The following BUB3 variants were observed in gnomAD, a reference collection of about 807,000 sequenced individuals.
BUB3 encodes mitotic checkpoint protein BUB3.
A neutral mutation model predicts 39.9 loss-of-function variants in BUB3; 22 were observed. The observed-to-expected ratio is 0.55, with a 90% confidence interval of 0.39 to 0.79. BUB3 has a LOEUF of 0.79. BUB3 is among the 30% of genes least tolerant of loss of function. The pLI is 0.00. For synonymous variants in BUB3, 168 were observed against 155.1 expected (o/e 1.08, Z -0.62); for missense variants, 303 against 415.4 (o/e 0.73, Z 2.35).
At position 123,160,584 on chromosome 10, in the gene BUB3, T is replaced by C. The variant is rs1355691896; in HGVS notation, c.576+19T>C. Reference sequence around the variant, plus strand: ...CAAGCAGGTATTGAACTATACCTCCTCTTCTTTCTGGAATTTGAAAATAAT... The same window carrying C: ...CAAGCAGGTATTGAACTATACCTCCCCTTCTTTCTGGAATTTGAAAATAAT... On this transcript the variant is annotated intron_variant, in intron 5 of 7. Coordinates refer to ENST00000368865, the MANE Select transcript of BUB3 (RefSeq NM_004725.4). 4.6e-6 allele frequency: 7 copies of C among 1,521,736 alleles called. No individual in the cohort carries two copies. The highest frequency in any genetic ancestry group is 6.2e-6 in the Non-Finnish European group (7 of 1,135,626). 94.3% of individuals were successfully genotyped at this position (1,521,736 alleles called of 1,614,324 possible).
chr10:123,169,208 T>C lies in BUB3; in HGVS notation c.*5373T>C, dbSNP rs1239924207. On this transcript the variant is annotated 3_prime_UTR_variant, in exon 8 of 8. Coordinates refer to ENST00000368865, the MANE Select transcript of BUB3 (RefSeq NM_004725.4). The stretch of plus-strand genomic sequence containing the variant: ...TCCACTTACGTACCTGTGGCTAAGA[T>C]GCGCCTGAGCAAGTGAGGGCCAGTT... 1 of 152,278 alleles carries C rather than the reference T, an allele frequency of 6.6e-6. No homozygotes were observed. The highest frequency in any genetic ancestry group is 2.4e-5 in the African/African-American group (1 of 41,478). The allele number at this position is 152,278 out of a possible 1,614,324, so 9.4% of individuals were successfully genotyped here. A position where few individuals can be genotyped will look rare whatever the true frequency, so the allele number is the denominator to read the frequency against.
At chr10:123,161,028 G>A (rs979036209) in intron 5 of BUB3, among the ~76,000 whole-genome samples, 1 of 149,366 alleles carries the variant, frequency 6.7e-6, no homozygotes, top group African/African-American at 2.5e-5. Context: ...ATAGAACTTT[G>A]ATAGTTTTTT....
intron 5 of BUB3, 133 bp from the exon 6 acceptor site, chr10:123,162,103 C>A (rs1844431757): frequency 6.3e-6 from 5 of 791,920 alleles, no homozygotes; most frequent in Non-Finnish European, 1.0e-5. Flanking sequence ...ACAGCCTAAA[C>A]ACTTCATTAA....
intron 1 of BUB3, 109 bp from the exon 2 acceptor site, chr10:123,154,809 C>A (rs1844324896): frequency 1.7e-6 from 2 of 1,204,604 alleles, no homozygotes; most frequent in African/African-American, 1.6e-5. Context: ...AGAGTCTCCT[C>A]GCGGTCGTCC....
Position 123,155,051 on chromosome 10 carries a change from C to T in BUB3, c.134C>T (p.Pro45Leu). 2 of 1,614,136 alleles carry T rather than the reference C, an allele frequency of 1.2e-6. No homozygotes were observed. The highest frequency in any genetic ancestry group is 2.7e-5 in the African/African-American group (2 of 75,056). The change falls in exon 2 of 8, where the codon CCG (proline) becomes CTG (leucine). Residue 45 changes from proline (P) to leucine (L), a missense_variant. Transcript: ENST00000368865. ...ACGTCCGTGCGTCTCTACGATGTGC[C>T]GGCCAACTCCATGCGGCTCAAGTAC... Reference protein sequence around the residue: ...WDTSVRLYDVPANSMRLKYQH... With the variant: ...WDTSVRLYDVLANSMRLKYQH...
At chr10:123,155,571 A>T in intron 2 of BUB3, 87 bp from the exon 3 acceptor site, 1 of 1,301,296 alleles carries the variant, frequency 7.7e-7, no homozygotes, top group Non-Finnish European at 1.1e-6. Context: ...TATCCCGAGC[A>T]TAAACTGAAC....
In BUB3 at chr10:123,164,161, T is replaced by C; in HGVS notation, c.*326T>C. 9.6e-7 allele frequency: 1 copy of C among 1,042,690 alleles called. No homozygotes were observed. Among genetic ancestry groups the C allele is most frequent in the East Asian group, 7.8e-5 (1 of 12,896 alleles). The allele number at this position is 1,042,690 out of a possible 1,614,324, so 64.6% of individuals were successfully genotyped here. A position where few individuals can be genotyped will look rare whatever the true frequency, so the allele number is the denominator to read the frequency against. ...AATAAATGTTTGTAAATAAGTGTAA[T>C]AAAAATCCCTTTGCATTCTTTCTGG... On this transcript the variant is annotated 3_prime_UTR_variant, in exon 8 of 8. Transcript: ENST00000368865.
At position 123,165,034 on chromosome 10, in the gene BUB3, T is replaced by G; in HGVS notation, c.*1199T>G. The G allele has an allele frequency of 6.2e-7, 1 of 1,612,996 alleles. No homozygotes were observed. Among genetic ancestry groups the G allele is most frequent in the Non-Finnish European group, 8.5e-7 (1 of 1,179,738 alleles). On this transcript the variant is annotated 3_prime_UTR_variant, in exon 8 of 8. Transcript: ENST00000368865. ...CTGAACCCATCTTTTGAAATGTATT[T>G]TCTTCATTGCAGGTCCACCTAATCA...
rs1464852810 is a variant in BUB3 at position 123,155,125 on chromosome 10, C to A, written c.195+13C>A. 2 of 1,611,600 alleles carry A rather than the reference C, an allele frequency of 1.2e-6. No individual in the cohort carries two copies. The highest frequency in any genetic ancestry group is 2.2e-5 in the South Asian group (2 of 90,916). On this transcript the variant is annotated intron_variant, in intron 2 of 7. Coordinates refer to ENST00000368865, the MANE Select transcript of BUB3 (RefSeq NM_004725.4). ...CTGCGCCTTCTACGTAGGTGCCCTCCCGCCCTGCTCCTGCCCTCTTACTGT... is the reference window on the plus strand; with the variant it reads ...CTGCGCCTTCTACGTAGGTGCCCTCACGCCCTGCTCCTGCCCTCTTACTGT...
rs1395868054 is a variant in BUB3, at chr10:123,170,462, C to T, written c.*6627C>T. On this transcript the variant is annotated 3_prime_UTR_variant, in exon 8 of 8. Coordinates refer to ENST00000368865, the MANE Select transcript of BUB3 (RefSeq NM_004725.4). ...CTCTTCATTTTAAAATAAAGTTTTGCACATGTTTGAAGCCTCATTTGTACC... is the reference window on the plus strand; with the variant it reads ...CTCTTCATTTTAAAATAAAGTTTTGTACATGTTTGAAGCCTCATTTGTACC... 4.6e-5 allele frequency: 7 copies of T among 152,108 alleles called. No homozygotes were observed. 9.4% of individuals were successfully genotyped at this position (152,108 alleles called of 1,614,324 possible). A position where few individuals can be genotyped will look rare whatever the true frequency, so the allele number is the denominator to read the frequency against.
At chr10:123,163,133 G>T in intron 7 of BUB3, 2 of 293,548 alleles carry the variant, frequency 6.8e-6, no homozygotes, top group African/African-American at 2.2e-5. Context: ...TTAAGTTGAG[G>T]AATTCAAGAA....
At chr10:123,160,655 C>A in intron 5 of BUB3, 90 bp downstream of exon 5, 1 of 961,388 alleles carries the variant, frequency 1.0e-6, no homozygotes, top group Non-Finnish European at 1.4e-6. Flanking sequence ...CTAAAGCCTT[C>A]TTTTTTTTTT....
intron 3 of BUB3, among the ~76,000 whole-genome samples, 162 bp from the exon 4 acceptor site, chr10:123,157,567 A>T (rs982357691): frequency 7.2e-5 from 11 of 152,260 alleles, no homozygotes; most frequent in Non-Finnish European, 1.5e-4. Context: ...CTTTGTAGTC[A>T]TGGAGAGATT....
rs975006713 is a variant in BUB3 at position 123,167,229 on chromosome 10, C to T, written c.*3394C>T. 3.9e-5 allele frequency: 6 copies of T among 152,210 alleles called. No individual in the cohort carries two copies. The highest frequency in any genetic ancestry group is 4.1e-4 in the South Asian group (2 of 4,826). 9.4% of individuals were successfully genotyped at this position (152,210 alleles called of 1,614,324 possible). On this transcript the variant is annotated 3_prime_UTR_variant, in exon 8 of 8. Transcript: ENST00000368865. Reference sequence around the variant, plus strand: ...CAGGTTACTTTCTTCACTATCACTCCGACGCTTGTGTTGATTCCCAAATCT... The same window carrying T: ...CAGGTTACTTTCTTCACTATCACTCTGACGCTTGTGTTGATTCCCAAATCT...
intron 4 of BUB3, among the ~76,000 whole-genome samples, chr10:123,158,135 G>A (rs368975702): frequency 2.6e-5 from 4 of 152,224 alleles, no homozygotes; most frequent in African/African-American, 9.6e-5. Context: ...GCTTTAAATC[G>A]CAAAATTGAG....
At chr10:123,157,513 CAT>C (rs1844365149) in intron 3 of BUB3, among the ~76,000 whole-genome samples, 1 of 152,188 alleles carries the variant, frequency 6.6e-6, no homozygotes, top group African/African-American at 2.4e-5. Flanking sequence ...ACTAGTGAGT[CAT>C]GTGAAGTGTG....
intron 5 of BUB3, among the ~76,000 whole-genome samples, chr10:123,160,897 T>C (rs1398166485): frequency 6.6e-6 from 1 of 152,228 alleles, no homozygotes; most frequent in Non-Finnish European, 1.5e-5. Flanking sequence ...TTTGCAGATA[T>C]TTCAGTTTAC....
rs1419660481 is a variant in BUB3 at position 123,163,868 on chromosome 10, GATA to G, written c.*38_*40del. Reference sequence around the variant, plus strand: ...TCATTTACTTAAGTGCCATGTTGATGATAATAAAACAATTCGTACTCCCCAATG... The same window carrying G: ...TCATTTACTTAAGTGCCATGTTGATGATAAAACAATTCGTACTCCCCAATG... On this transcript the variant is annotated 3_prime_UTR_variant, in exon 8 of 8. Coordinates refer to ENST00000368865, the MANE Select transcript of BUB3 (RefSeq NM_004725.4). 8.2e-6 allele frequency: 13 copies of G among 1,593,530 alleles called. No homozygotes were observed. The highest frequency in any genetic ancestry group is 1.1e-5 in the Non-Finnish European group (13 of 1,164,214).
In BUB3 at chr10:123,160,561, A is replaced by G; in HGVS notation, c.572A>G (p.Lys191Arg). The G allele has an allele frequency of 6.3e-7, 1 of 1,595,428 alleles. No individual in the cohort carries two copies. Among genetic ancestry groups the G allele is most frequent in the Non-Finnish European group, 8.5e-7 (1 of 1,173,478 alleles). ...QTRCIRAFPNKQGYVLSSIEG... is the reference protein window; with the variant it reads ...QTRCIRAFPNRQGYVLSSIEG... The stretch of plus-strand genomic sequence containing the variant: ...CGCTGCATACGAGCGTTTCCAAACA[A>G]GCAGGTATTGAACTATACCTCCTCT... The change falls in exon 5 of 8, where the codon AAG becomes AGG. Residue 191 changes from lysine (K) to arginine (R), a missense_variant. Lys to Arg is a conservative substitution (Grantham distance 26). Coordinates refer to ENST00000368865, the MANE Select transcript of BUB3 (RefSeq NM_004725.4).
Sources: allele counts gnomAD v4.1 joint callset (sites outside exome capture counted in the v4.1 genomes callset), GRCh38; gene constraint gnomAD v4.1.1; transcripts MANE v1.5; gene names NCBI Gene and HGNC (gene_info 2026-07-23, HGNC 2026-07-21).